The following RNF213 variants were observed in gnomAD, a reference collection of about 807,000 sequenced individuals.
The protein encoded by RNF213 is ring finger protein 213.
A neutral mutation model predicts 514.4 loss-of-function variants in RNF213; 341 were observed. The ratio of observed to expected loss-of-function variants is 0.66; its 90% CI spans 0.61 to 0.73. RNF213 has a LOEUF of 0.73. RNF213 is among the 30% of genes least tolerant of loss of function. RNF213 has a pLI of 0.00. For synonymous variants in RNF213, 2,655 were observed against 2,658.2 expected (o/e 1.00, Z 0.04); for missense variants, 5,767 against 6,615.6 (o/e 0.87, Z 4.45).
intron 10 of RNF213, among the ~76,000 whole-genome samples, chr17:80,296,912 C>G (rs1318115012): frequency 6.6e-6 from 1 of 151,762 alleles, no homozygotes; most frequent in African/African-American, 2.4e-5. Flanking sequence ...AGCTCCTGAC[C>G]TTGTGATCCG....
rs377638795 is a variant in RNF213 at position 80,389,349 on chromosome 17, G to A, written c.15177G>A (p.Gln5059=). Residue 5059 remains glutamine (Q), a synonymous_variant, in exon 65 of 68, where the codon CAG becomes CAA. Transcript: ENST00000582970. ...AAGACATCCTGCAAATGGGTGATCA[G>A]ACGATTCACGTGTTAAAGGTGGGTC... ...YTQDILQMGD[Q]TIHVLKALNR... The A allele has an allele frequency of 1.2e-6, 2 of 1,614,062 alleles. No individual in the cohort carries two copies. The highest frequency in any genetic ancestry group is 1.7e-6 in the Non-Finnish European group (2 of 1,180,018).
At chr17:80,275,761 C>G (rs2044028716) in intron 3 of RNF213, among the ~76,000 whole-genome samples, 1 of 152,014 alleles carries the variant, frequency 6.6e-6, no homozygotes, top group South Asian at 2.1e-4. Context: ...CTCCCAGGTT[C>G]AAGTGATTGT....
At chr17:80,318,484 A>T (rs2143815432) in intron 16 of RNF213, among the ~76,000 whole-genome samples, 1 of 152,354 alleles carries the variant, frequency 6.6e-6, no homozygotes, top group East Asian at 1.9e-4. Context: ...ATGACACACA[A>T]GTGGAGAACA....
chr17:80,388,229 C>A (rs955369467), intron 63 of RNF213, among the ~76,000 whole-genome samples: 4 of 152,210 alleles, frequency 2.6e-5, no homozygotes, highest in Admixed American at 6.5e-5. Flanking sequence ...CTCCCAAAGG[C>A]TGTTTTTAAT....
At chr17:80,280,495 C>G (rs570717202) in intron 3 of RNF213, among the ~76,000 whole-genome samples, 69 of 152,248 alleles carry the variant, frequency 4.5e-4, no homozygotes, top group Admixed American at 1.3e-3. Context: ...GCCCTGGGTC[C>G]CAGGCTGGAG....
At position 80,345,680 on chromosome 17, in the gene RNF213, G is replaced by A. The variant is rs1229974196; in HGVS notation, c.7345G>A (p.Val2449Ile). Residue 2449 changes from valine (V) to isoleucine (I), a missense_variant, in exon 29 of 68, where the codon GTC (valine) becomes ATC (isoleucine). Transcript: ENST00000582970. The surrounding 1 kb of genome is among the most constrained non-coding windows in gnomAD (Gnocchi z 6.0). ...TACCAATGCTGACACCATAAAGCTGGTCAAGGTGCACGGAGGAACAACTGC... is the reference window on the plus strand; with the variant it reads ...TACCAATGCTGACACCATAAAGCTGATCAAGGTGCACGGAGGAACAACTGC... ...GGTNADTIKL[V>I]KVHGGTTADM... 2 of 1,614,224 alleles carry A rather than the reference G, an allele frequency of 1.2e-6. No homozygotes were observed. Among genetic ancestry groups the A allele is most frequent in the Non-Finnish European group, 1.7e-6 (2 of 1,180,044 alleles).
chr17:80,381,116 T>C, intron 56 of RNF213, 129 bp downstream of exon 56: 2 of 924,472 alleles, frequency 2.2e-6, no homozygotes, highest in South Asian at 1.3e-5. Flanking sequence ...TACAAAGTAA[T>C]ATACAAGTTA....
At chr17:80,332,720 G>A (rs545039758) in intron 21 of RNF213, 89 bp downstream of exon 21, 17 of 1,404,062 alleles carry the variant, frequency 1.2e-5, no homozygotes, top group Admixed American at 1.1e-4. Flanking sequence ...CTTTGAAAAG[G>A]GGGGCGGATG....
chr17:80,304,824 A>T (rs1230708243), intron 11 of RNF213, among the ~76,000 whole-genome samples: 2 of 151,836 alleles, frequency 1.3e-5, no homozygotes, highest in Non-Finnish European at 2.9e-5. Context: ...CACCTCCCGA[A>T]CTCAGCTTCC....
chr17:80,336,131 C>CA, intron 22 of RNF213, 30 bp from the exon 23 acceptor site: 1 of 1,517,174 alleles, frequency 6.6e-7, no homozygotes, highest in Non-Finnish European at 8.9e-7. Flanking sequence ...GGAATAGTCC[C>CA]ACGCTGAACT....
At chr17:80,276,089 TTTG>T (rs1567999817) in intron 3 of RNF213, among the ~76,000 whole-genome samples, 6 of 148,006 alleles carry the variant, frequency 4.1e-5, no homozygotes, top group Admixed American at 2.0e-4. Flanking sequence ...TTATTTATTT[TTTG>T]TTTTATTTAT....
At chr17:80,278,948 C>T (rs1002492836) in intron 3 of RNF213, 2 of 1,535,004 alleles carry the variant, frequency 1.3e-6, no homozygotes, top group African/African-American at 1.4e-5. Context: ...ATGCTCCCTG[C>T]CCTGGTGCAT....
chr17:80,353,960 TG>T lies in RNF213; in HGVS notation c.10579-57del. 7 of 1,610,236 alleles carry T rather than the reference TG, an allele frequency of 4.3e-6. No individual in the cohort carries two copies. Among genetic ancestry groups the T allele is most frequent in the Non-Finnish European group, 5.9e-6 (7 of 1,177,906 alleles). ...AGACCCTCATCGCATACGGGCGGTTTGGCTTTTGCCCACTGTGTCAGTGGCA... is the reference window on the plus strand; with the variant it reads ...AGACCCTCATCGCATACGGGCGGTTTGCTTTTGCCCACTGTGTCAGTGGCA... On this transcript the variant is annotated intron_variant, in intron 34 of 67. Transcript: ENST00000582970. This position sits in a 1 kb window ranked among gnomAD's most constrained non-coding sequence, Gnocchi z 5.0.
rs780001052 is a variant in RNF213, at chr17:80,380,978, G to C, written c.13788G>C (p.Gln4596His). 1 of 1,614,212 alleles carries C rather than the reference G, an allele frequency of 6.2e-7. No homozygotes were observed. The highest frequency in any genetic ancestry group is 8.5e-7 in the Non-Finnish European group (1 of 1,180,038). ...TGGCTCTGCTTCTGGGAGCGTCCCA[G>C]AGTTCCCAGGTATAACCCAGTGCTG... ...THLALLLGAS[Q>H]SSQALINIIK... Residue 4596 changes from glutamine (Q) to histidine (H), a missense_variant, in exon 56 of 68, where the codon CAG becomes CAC. By Grantham distance (24) the Gln-to-His change is conservative. This residue lies in a region of RNF213 where 1,245 missense variants were observed against 1,339.0 expected (regional missense o/e 0.93). Transcript: ENST00000582970.
rs2046439362 is a variant in RNF213 at position 80,332,355 on chromosome 17, G to A, written c.3867G>A (p.Leu1289=). ...YQPSYRKFIK[L]HQDLKSGEVT... ...CTTCTTACAGAAAGTTCATTAAGTT[G>A]CACCAGGATCTAAAGTCAGGAGAGG... The change falls in exon 21 of 68, where the codon TTG becomes TTA. Residue 1289 remains leucine, a synonymous_variant. Transcript: ENST00000582970. 3 of 1,537,152 alleles carry A rather than the reference G, an allele frequency of 2.0e-6. No homozygotes were observed. The highest frequency in any genetic ancestry group is 2.6e-6 in the Non-Finnish European group (3 of 1,146,910).
At chr17:80,338,678 A>C (rs770175256) in intron 25 of RNF213, among the ~76,000 whole-genome samples, 1 of 151,876 alleles carries the variant, frequency 6.6e-6, no homozygotes, top group African/African-American at 2.4e-5. Context: ...AAAAAATTAA[A>C]ACAGTCCAGG....
At chr17:80,369,447 T>G in intron 44 of RNF213, 55 bp from the exon 45 acceptor site, 1 of 1,502,606 alleles carries the variant, frequency 6.7e-7, no homozygotes, top group Non-Finnish European at 9.3e-7. Context: ...AGTCATTCTG[T>G]AAGGAGGCAT....
intron 15 of RNF213, among the ~76,000 whole-genome samples, chr17:80,313,695 AAGGGGATGGT>A (rs2045669694): frequency 2.4e-5 from 1 of 40,984 alleles, no homozygotes; most frequent in Admixed American, 2.6e-4. Context: ...GGTGGTGGTG[AAGGGGATGGT>A]GGTGATGGAG....
At chr17:80,276,731 C>G (rs958625838) in intron 3 of RNF213, among the ~76,000 whole-genome samples, 2 of 151,600 alleles carry the variant, frequency 1.3e-5, no homozygotes, top group Admixed American at 6.6e-5. Context: ...AAGGAAGCAG[C>G]AAGGCAGTTG....
Sources: gnomAD v4.1 joint callset for allele counts (sites outside exome capture counted in the v4.1 genomes callset) on GRCh38, gnomAD v4.1.1 for gene constraint, gnomAD v4.1.1 regional missense constraint, Gnocchi (gnomAD v3.1) non-coding constraint, MANE v1.5 for transcripts, NCBI Gene and HGNC (gene_info 2026-07-23, HGNC 2026-07-21) for gene names.